The following YIPF5 variants were observed in gnomAD, a reference collection of about 807,000 sequenced individuals.
YIPF5 encodes Yip1 domain family member 5.
A neutral mutation model predicts 30.4 loss-of-function variants in YIPF5; 8 were observed. The observed-to-expected ratio is 0.26, with a 90% CI of 0.15 to 0.47. The LOEUF is 0.47. Among genes scored for constraint, YIPF5 ranks in the 20% least tolerant of loss-of-function variants. The pLI is 0.99. For missense variants in YIPF5, 282 were observed against 301.8 expected (o/e 0.93, Z 0.49); for synonymous variants, 104 against 107.9 (o/e 0.96, Z 0.23).
intron 2 of YIPF5, among the ~76,000 whole-genome samples, chr5:144,168,853 G>C (rs778909523): frequency 3.3e-5 from 5 of 152,140 alleles, no homozygotes; most frequent in African/African-American, 1.2e-4. Context: ...TTCCTGTATT[G>C]CATGTTTCTC....
chr5:144,165,675 T>C, intron 2 of YIPF5, 71 bp from the exon 3 acceptor site: 1 of 1,450,770 alleles, frequency 6.9e-7, no homozygotes, highest in Non-Finnish European at 9.3e-7. Context: ...CTTAAATTCC[T>C]AAATTTTCAT....
chr5:144,158,671 G>T lies in YIPF5; in HGVS notation c.*1726C>A. The stretch of plus-strand genomic sequence containing the variant: ...TTACAATAAAAAATTTGGTTAAGTT[G>T]GAAAGCCTATCAAATTACCTTCCAA... On this transcript the variant is annotated 3_prime_UTR_variant, in exon 6 of 6. Transcript: ENST00000274496. 1 of 1,027,092 alleles carries T rather than the reference G, an allele frequency of 9.7e-7. No homozygotes were observed. Among genetic ancestry groups the T allele is most frequent in the Non-Finnish European group, 1.2e-6 (1 of 857,132 alleles). 63.6% of individuals were successfully genotyped at this position (1,027,092 alleles called of 1,614,324 possible). A position where few individuals can be genotyped will look rare whatever the true frequency, so the allele number is the denominator to read the frequency against.
chr5:144,160,491 A>C lies in YIPF5; in HGVS notation c.680T>G (p.Phe227Cys). 1 of 1,614,206 alleles carries C rather than the reference A, an allele frequency of 6.2e-7. No individual in the cohort carries two copies. Among genetic ancestry groups the C allele is most frequent in the Non-Finnish European group, 8.5e-7 (1 of 1,180,028 alleles). The change falls in exon 6 of 6, where the codon TTT becomes TGT. Residue 227 changes from phenylalanine (F) to cysteine (C), a missense_variant. By Grantham distance (205) the Phe-to-Cys change is radical. Coordinates refer to ENST00000274496, the MANE Select transcript of YIPF5 (RefSeq NM_030799.9). The stretch of plus-strand genomic sequence containing the variant: ...TCCTTCCATGGCTAATGCAGAAATA[A>C]ATATTTTGGAAGCAGAAAAACTACA... ...GWCSFSASKI[F>C]ISALAMEGQQ...
chr5:144,169,282 A>C (rs1320641132), intron 2 of YIPF5, among the ~76,000 whole-genome samples: 1 of 152,192 alleles, frequency 6.6e-6, no homozygotes, highest in Non-Finnish European at 1.5e-5. Context: ...GCTTTGAGTC[A>C]ACCTCCTCAG....
At position 144,158,539 on chromosome 5, in the gene YIPF5, T is replaced by C; in HGVS notation, c.*1858A>G. 2 of 1,203,482 alleles carry C rather than the reference T, an allele frequency of 1.7e-6. No homozygotes were observed. Among genetic ancestry groups the C allele is most frequent in the Non-Finnish European group, 2.1e-6 (2 of 955,378 alleles). 74.6% of individuals were successfully genotyped at this position (1,203,482 alleles called of 1,614,324 possible). On this transcript the variant is annotated 3_prime_UTR_variant, in exon 6 of 6. Coordinates refer to ENST00000274496, the MANE Select transcript of YIPF5 (RefSeq NM_030799.9). ...TAATTTTAATTTCCAAAGCATCTTCTACCGTTTATTAGCAATATTTGGATA... is the reference window on the plus strand; with the variant it reads ...TAATTTTAATTTCCAAAGCATCTTCCACCGTTTATTAGCAATATTTGGATA...
chr5:144,169,495 T>C (rs891143304), intron 2 of YIPF5, among the ~76,000 whole-genome samples: 6 of 152,220 alleles, frequency 3.9e-5, no homozygotes, highest in African/African-American at 1.4e-4. Context: ...CAAAATACTT[T>C]AATTTTTCAC....
At position 144,158,962 on chromosome 5, in the gene YIPF5, C is replaced by T. The variant is rs960714097; in HGVS notation, c.*1435G>A. 12 of 982,578 alleles carry T rather than the reference C, an allele frequency of 1.2e-5. No homozygotes were observed. The highest frequency in any genetic ancestry group is 4.7e-5 in the South Asian group (1 of 21,212). 60.9% of individuals were successfully genotyped at this position (982,578 alleles called of 1,614,324 possible). A position where few individuals can be genotyped will look rare whatever the true frequency, so the allele number is the denominator to read the frequency against. ...TTTCCTCCCTGTACCATATCTTTCT[C>T]GTAACTATAACTGAGCTTTGTCCAG... On this transcript the variant is annotated 3_prime_UTR_variant, in exon 6 of 6. Coordinates refer to ENST00000274496, the MANE Select transcript of YIPF5 (RefSeq NM_030799.9).
chr5:144,160,684 A>G (rs539917124), intron 5 of YIPF5, 125 bp from the exon 6 acceptor site: 78 of 794,754 alleles, frequency 9.8e-5, no homozygotes, highest in Non-Finnish European at 1.4e-4. Context: ...AAGTAGACAT[A>G]TGCAAAAATA....
intron 5 of YIPF5, among the ~76,000 whole-genome samples, chr5:144,161,491 C>T (rs1008542250): frequency 6.6e-6 from 1 of 151,930 alleles, no homozygotes; most frequent in Non-Finnish European, 1.5e-5. Flanking sequence ...ATTACACAGG[C>T]ATGTGCTACC....
At chr5:144,169,466 G>A (rs1397841093) in intron 2 of YIPF5, among the ~76,000 whole-genome samples, 1 of 152,122 alleles carries the variant, frequency 6.6e-6, no homozygotes, top group South Asian at 2.1e-4. Flanking sequence ...TCTCAGAGTT[G>A]GACTGATTTA....
intron 3 of YIPF5, 99 bp downstream of exon 3, chr5:144,165,333 T>C (rs1264949753): frequency 3.5e-6 from 5 of 1,433,130 alleles, no homozygotes; most frequent in Non-Finnish European, 3.8e-6. Context: ...CTACAGATTA[T>C]TTTTTTTAAA....
chr5:144,158,364 T>A lies in YIPF5; in HGVS notation c.*2033A>T. The stretch of plus-strand genomic sequence containing the variant: ...TGCACCTTATTATTTTGGAGCAAAA[T>A]AAAAAATAACCACCACAAAAAAAAT... On this transcript the variant is annotated 3_prime_UTR_variant, in exon 6 of 6. Transcript: ENST00000274496. 3 of 1,127,768 alleles carry A rather than the reference T, an allele frequency of 2.7e-6. No individual in the cohort carries two copies. Among genetic ancestry groups the A allele is most frequent in the Non-Finnish European group, 3.5e-6 (3 of 858,452 alleles). 69.9% of individuals were successfully genotyped at this position (1,127,768 alleles called of 1,614,324 possible).
chr5:144,165,644 A>G, intron 2 of YIPF5, 40 bp from the exon 3 acceptor site: 1 of 1,603,900 alleles, frequency 6.2e-7, no homozygotes, highest in Non-Finnish European at 8.5e-7. Flanking sequence ...GAGGTATTTC[A>G]ACTCTGTACA....
intron 4 of YIPF5, 117 bp downstream of exon 4, chr5:144,163,994 C>A: frequency 1.5e-6 from 2 of 1,294,334 alleles, no homozygotes; most frequent in African/African-American, 1.5e-5. Context: ...AGTACTATTC[C>A]AAACACATCA....
In YIPF5 at chr5:144,164,163, T is replaced by C; in HGVS notation, c.377A>G (p.Asp126Gly). Residue 126 changes from aspartate to glycine, a missense_variant, in exon 4 of 6, where the codon GAT (aspartate) becomes GGT (glycine). Coordinates refer to ENST00000274496, the MANE Select transcript of YIPF5 (RefSeq NM_030799.9). ...GCAAAAAACCATTGGACCTGCCAAA[T>C]CAGTTTCATTCATGATGCTGCCATC... is the stretch of plus-strand genomic sequence containing the variant. ...VADGSIMNET[D>G]LAGPMVFCLA... The C allele has an allele frequency of 1.2e-6, 2 of 1,613,678 alleles. No homozygotes were observed. The highest frequency in any genetic ancestry group is 1.7e-6 in the Non-Finnish European group (2 of 1,179,748).
In YIPF5 at chr5:144,160,302, G is replaced by A; in HGVS notation, c.*95C>T. 6.6e-7 allele frequency: 1 copy of A among 1,519,696 alleles called. No individual in the cohort carries two copies. Among genetic ancestry groups the A allele is most frequent in the Non-Finnish European group, 8.8e-7 (1 of 1,134,964 alleles). 94.1% of individuals were successfully genotyped at this position (1,519,696 alleles called of 1,614,324 possible). ...CCAACAGTCAAATGTAAATCTGCAT[G>A]AGAGTTGCGCTGCAGCAGTTTGCTG... is the stretch of plus-strand genomic sequence containing the variant. On this transcript the variant is annotated 3_prime_UTR_variant, in exon 6 of 6. Transcript: ENST00000274496.
rs558652984 is a variant in YIPF5 at position 144,169,229 on chromosome 5, A to G, written c.110+617T>C. ...TGTATTTTTGTCACAAACACCAGGT[A>G]CTATAAAAAGATCATTTAAAAAAAA... is the stretch of plus-strand genomic sequence containing the variant. On this transcript the variant is annotated intron_variant, in intron 2 of 5. Transcript: ENST00000274496. 5.0e-4 allele frequency among the ~76,000 whole-genome samples: 76 copies of G among 152,308 alleles called. 1 individual carries two copies. Among genetic ancestry groups the G allele is most frequent in the African/African-American group, 1.8e-3 (75 of 41,574 alleles).
chr5:144,159,224 CAAAG>C lies in YIPF5; in HGVS notation c.*1169_*1172del, dbSNP rs982099993. 2.0e-6 allele frequency: 2 copies of C among 982,586 alleles called. No homozygotes were observed. Among genetic ancestry groups the C allele is most frequent in the African/African-American group, 3.5e-5 (2 of 57,218 alleles). 60.9% of individuals were successfully genotyped at this position (982,586 alleles called of 1,614,324 possible). Reference sequence around the variant, plus strand: ...AATCAGAGCCTAGTTAAAAAAGAGACAAAGAGAACAGTAGTTTAGTAAAAGTAAA... The same window carrying C: ...AATCAGAGCCTAGTTAAAAAAGAGACAGAACAGTAGTTTAGTAAAAGTAAA... On this transcript the variant is annotated 3_prime_UTR_variant, in exon 6 of 6. Transcript: ENST00000274496.
chr5:144,170,046 T>G, intron 1 of YIPF5, 81 bp from the exon 2 acceptor site: 1 of 1,097,256 alleles, frequency 9.1e-7, no homozygotes, highest in Non-Finnish European at 1.4e-6. Context: ...CTTAAGCAAA[T>G]AGAAACACAA....
Sources: allele counts gnomAD v4.1 joint callset (sites outside exome capture counted in the v4.1 genomes callset), GRCh38; gene constraint gnomAD v4.1.1; transcripts MANE v1.5; gene names NCBI Gene and HGNC (gene_info 2026-07-23, HGNC 2026-07-21).